The following FAAH2 variants were observed in gnomAD, a reference collection of about 807,000 sequenced individuals.
The protein encoded by FAAH2 is fatty-acid amide hydrolase 2.
Under a neutral mutation model 36.9 loss-of-function variants are expected in FAAH2, and 60 were observed. The ratio of observed to expected loss-of-function variants is 1.63; its 90% CI spans 1.32 to 2.02. The LOEUF (loss-of-function observed/expected upper bound fraction) is 2.02. Ranked by LOEUF, FAAH2 falls within the 30% of genes most tolerant of loss-of-function variation. The pLI is 0.00. For synonymous variants in FAAH2, 214 were observed against 143.8 expected (o/e 1.49, Z -3.49); for missense variants, 689 against 397.5 (o/e 1.73, Z -6.23).
At chrX:57,282,703 G>A (rs1443213432), upstream of FAAH2, among the ~76,000 whole-genome samples, 1 of 112,023 alleles carries the variant, frequency 8.9e-6, no homozygotes, top group African/African-American at 3.2e-5. Flanking sequence ...TTTCGGTGTT[G>A]AAATTTGGTT....
intron 10 of FAAH2, among the ~76,000 whole-genome samples, chrX:57,456,917 G>A (rs1485391149): frequency 9.0e-6 from 1 of 111,702 alleles, no homozygotes. Context: ...AATCGAAGAA[G>A]AGTCTTCTCC....
At chrX:57,452,272 G>A (rs190996549) in intron 10 of FAAH2, 331 of 753,313 alleles carry the variant, frequency 4.4e-4, no homozygotes, top group Non-Finnish European at 5.0e-4. Context: ...GACCTCTTCA[G>A]CATCCAGCAT....
chrX:57,252,777 C>A, the FAAH2 span, among the ~76,000 whole-genome samples: 6 of 112,352 alleles, frequency 5.3e-5, no homozygotes, highest in Admixed American at 9.4e-5. Flanking sequence ...CATCAAATAA[C>A]AAAGGTAGAT....
At chrX:57,433,521 G>A (rs2056347606) in intron 8 of FAAH2, among the ~76,000 whole-genome samples, 1 of 111,689 alleles carries the variant, frequency 9.0e-6, no homozygotes, top group South Asian at 3.7e-4. Flanking sequence ...GTATTTATGG[G>A]ATATATAAGA....
At chrX:57,243,709 A>G in the FAAH2 span, among the ~76,000 whole-genome samples, 1 of 111,845 alleles carries the variant, frequency 8.9e-6, no homozygotes, top group African/African-American at 3.3e-5. Context: ...ATCAACATCA[A>G]CAAAAACAAC....
the FAAH2 span, among the ~76,000 whole-genome samples, chrX:57,268,654 C>T: frequency 1.8e-5 from 2 of 111,492 alleles, no homozygotes; most frequent in Admixed American, 9.5e-5. Context: ...CAGTGGACCT[C>T]TAACTGGAAA....
At chrX:57,264,682 G>T in the FAAH2 span, among the ~76,000 whole-genome samples, 1 of 112,561 alleles carries the variant, frequency 8.9e-6, no homozygotes, top group Non-Finnish European at 1.9e-5. Flanking sequence ...CCATTACTGG[G>T]TATATACCCA....
At chrX:57,207,783 A>T in the FAAH2 span, among the ~76,000 whole-genome samples, 1 of 112,533 alleles carries the variant, frequency 8.9e-6, no homozygotes, top group East Asian at 2.8e-4. Context: ...CCACAGACCC[A>T]TGTTGGAACT....
At chrX:57,429,939 G>A (rs2056255415) in intron 7 of FAAH2, among the ~76,000 whole-genome samples, 1 of 111,012 alleles carries the variant, frequency 9.0e-6, no homozygotes, top group South Asian at 3.8e-4. Flanking sequence ...AAACAGAAAG[G>A]CAAATACCAC....
At chrX:57,464,709 G>T (rs2920303) in intron 10 of FAAH2, among the ~76,000 whole-genome samples, 2 of 110,399 alleles carry the variant, frequency 1.8e-5, no homozygotes, top group South Asian at 3.8e-4. Context: ...GTGCAAAAAA[G>T]AAACCACCTG....
chrX:57,401,716 CTTG>C (rs2055440598), intron 7 of FAAH2, among the ~76,000 whole-genome samples: 1 of 111,099 alleles, frequency 9.0e-6, no homozygotes, highest in African/African-American at 3.3e-5. Flanking sequence ...TTTAGTTTAA[CTTG>C]AACAGGACAG....
intron 2 of FAAH2, among the ~76,000 whole-genome samples, chrX:57,310,327 G>T (rs1350950659): frequency 9.0e-6 from 1 of 111,352 alleles, no homozygotes; most frequent in African/African-American, 3.3e-5. Context: ...GTGACAAGGA[G>T]ATTTTATTTG....
chrX:57,434,586 A>G (rs747397396), intron 8 of FAAH2, among the ~76,000 whole-genome samples: 6 of 110,277 alleles, frequency 5.4e-5, no homozygotes, highest in Non-Finnish European at 1.1e-4. Flanking sequence ...CTTTTGAAGT[A>G]ATCCAATCAA....
At chrX:57,133,973 C>T in the FAAH2 span, among the ~76,000 whole-genome samples, 2 of 111,130 alleles carry the variant, frequency 1.8e-5, no homozygotes, top group Non-Finnish European at 3.8e-5. Context: ...CATGGAGTTA[C>T]GGTAACCTGG....
At chrX:57,187,288 G>A in the FAAH2 span, among the ~76,000 whole-genome samples, 2 of 110,781 alleles carry the variant, frequency 1.8e-5, no homozygotes, top group South Asian at 3.8e-4. Flanking sequence ...CATGTCCCCT[G>A]TAAGTTGTAT....
chrX:57,313,174 C>T (rs1359219686), intron 3 of FAAH2, among the ~76,000 whole-genome samples: 1 of 110,512 alleles, frequency 9.0e-6, no homozygotes, highest in Non-Finnish European at 1.9e-5. Flanking sequence ...TTTCAAATCA[C>T]CTTAGTCAGA....
chrX:57,138,404 G>A, the FAAH2 span, among the ~76,000 whole-genome samples: 2 of 109,680 alleles, frequency 1.8e-5, no homozygotes, highest in Non-Finnish European at 3.8e-5. Flanking sequence ...TTAATCTATG[G>A]TGGAATAATA....
the FAAH2 span, among the ~76,000 whole-genome samples, chrX:57,150,662 G>A: frequency 9.1e-4 from 102 of 112,009 alleles, 4 homozygotes; most frequent in South Asian, 0.036. Flanking sequence ...ATCTCTGCAT[G>A]TGAGATGGGT....
chrX:57,354,683 T>C (rs1317534276), intron 5 of FAAH2, among the ~76,000 whole-genome samples: 2 of 110,792 alleles, frequency 1.8e-5, no homozygotes, highest in Non-Finnish European at 3.8e-5. Flanking sequence ...AATCTTGTAC[T>C]TTATGAATTT....
Sources: allele counts gnomAD v4.1 joint callset (sites outside exome capture counted in the v4.1 genomes callset), GRCh38; gene constraint gnomAD v4.1.1; transcripts MANE v1.5; gene names NCBI Gene and HGNC (gene_info 2026-07-23, HGNC 2026-07-21).